Variants in PRKG1 observed in about 807,000 individuals in gnomAD.
PRKG1 encodes cGMP-dependent protein kinase 1.
A neutral mutation model predicts 88.1 loss-of-function variants in PRKG1; 35 were observed. The observed-to-expected ratio is 0.40, with a 90% confidence interval of 0.30 to 0.53. PRKG1 has a LOEUF of 0.53. Among genes scored for constraint, PRKG1 ranks in the 20% least tolerant of loss-of-function variants. The pLI is 0.59. For synonymous variants in PRKG1, 303 were observed against 292.5 expected (o/e 1.04, Z -0.37); for missense variants, 540 against 839.8 (o/e 0.64, Z 4.41).
chr10:51,812,547 T>C (rs758661417), intron 4 of PRKG1, among the ~76,000 whole-genome samples: 6 of 152,140 alleles, frequency 3.9e-5, no homozygotes, highest in Non-Finnish European at 7.4e-5. Context: ...AAAGCTGCAG[T>C]GGATCAGACT....
At chr10:51,857,499 C>G (rs950603205) in intron 4 of PRKG1, among the ~76,000 whole-genome samples, 3 of 152,120 alleles carry the variant, frequency 2.0e-5, no homozygotes, top group African/African-American at 7.2e-5. Flanking sequence ...AGTAGACCAT[C>G]CACCAGGAAG....
intron 2 of PRKG1, among the ~76,000 whole-genome samples, chr10:51,262,309 A>T (rs1839733104): frequency 6.6e-6 from 1 of 152,210 alleles, no homozygotes; most frequent in Non-Finnish European, 1.5e-5. Context: ...AGACTGATAA[A>T]ACATATCTGT....
At chr10:51,575,602 G>A (rs1837866575) in intron 3 of PRKG1, among the ~76,000 whole-genome samples, 1 of 151,570 alleles carries the variant, frequency 6.6e-6, no homozygotes, top group African/African-American at 2.4e-5. Context: ...CTTGCTACCA[G>A]GAAAACAATG....
At chr10:51,118,342 C>G (rs1273511133) in intron 1 of PRKG1, among the ~76,000 whole-genome samples, 2 of 152,078 alleles carry the variant, frequency 1.3e-5, no homozygotes, top group Non-Finnish European at 2.9e-5. Flanking sequence ...ATCCTCAGAT[C>G]AATATAGTGC....
chr10:51,259,687 G>A (rs1052149759), intron 2 of PRKG1, among the ~76,000 whole-genome samples: 6 of 152,114 alleles, frequency 3.9e-5, no homozygotes, highest in African/African-American at 1.4e-4. Context: ...TGTTGGCCAG[G>A]CTGGTCTCGA....
chr10:52,053,136 G>T (rs1846030109), intron 5 of PRKG1, among the ~76,000 whole-genome samples: 1 of 152,066 alleles, frequency 6.6e-6, no homozygotes, highest in African/African-American at 2.4e-5. Flanking sequence ...TGGGTTGGTG[G>T]TTGTTAAAAG....
chr10:52,214,058 G>A (rs1840051676), intron 9 of PRKG1, among the ~76,000 whole-genome samples: 3 of 152,112 alleles, frequency 2.0e-5, no homozygotes, highest in Admixed American at 2.0e-4. Flanking sequence ...TGGCAAATGG[G>A]AGAGTCCTCA....
At chr10:51,334,617 T>C (rs978809869) in intron 2 of PRKG1, among the ~76,000 whole-genome samples, 1 of 152,166 alleles carries the variant, frequency 6.6e-6, no homozygotes, top group African/African-American at 2.4e-5. Flanking sequence ...ATACTTTTGC[T>C]TACCCCAACT....
rs1846022348 is a variant in PRKG1 at position 51,149,800 on chromosome 10, GA to G, written c.312-3361del. The stretch of plus-strand genomic sequence containing the variant: ...ACAGGTTGATTTTGCATGAAAGCTT[GA>G]AATTGGCCATGGTGGGAGTATTTAC... On this transcript the variant is annotated intron_variant, in intron 1 of 17. Transcript: ENST00000373980. Among the ~76,000 whole-genome samples, 3 of 152,162 alleles carry G rather than the reference GA, an allele frequency of 2.0e-5. No homozygotes were observed. In the South Asian group the frequency reaches 6.2e-4, roughly 32 times the overall value.
At chr10:51,631,268 G>A (rs945167799) in intron 3 of PRKG1, among the ~76,000 whole-genome samples, 5 of 152,100 alleles carry the variant, frequency 3.3e-5, no homozygotes, top group Non-Finnish European at 5.9e-5. Flanking sequence ...TTGTGCTAGG[G>A]TTAGCTTGTG....
At chr10:52,052,574 G>A (rs983975422) in intron 5 of PRKG1, among the ~76,000 whole-genome samples, 4 of 151,904 alleles carry the variant, frequency 2.6e-5, no homozygotes, top group African/African-American at 7.3e-5. Context: ...AGGTTTAATG[G>A]ACTCAACATT....
intron 7 of PRKG1, among the ~76,000 whole-genome samples, chr10:52,104,772 T>C (rs1404534837): frequency 6.6e-6 from 1 of 152,186 alleles, no homozygotes; most frequent in Non-Finnish European, 1.5e-5. Flanking sequence ...CTCTATTAAT[T>C]TATGCTACCC....
chr10:51,294,571 A>T (rs1202226347), intron 2 of PRKG1, among the ~76,000 whole-genome samples: 11 of 152,176 alleles, frequency 7.2e-5, no homozygotes, highest in Non-Finnish European at 1.6e-4. Flanking sequence ...TGGTTTTGCC[A>T]TTACTTTTAA....
At chr10:51,829,143 G>T (rs10823671) in intron 4 of PRKG1, among the ~76,000 whole-genome samples, 31,882 of 152,112 alleles carry the variant, frequency 0.21, 5,364 homozygotes, top group African/African-American at 0.47. Context: ...GTCTGTTTCT[G>T]GCCGTGTGAA....
chr10:52,224,831 A>ATATATATATATATC (rs1840348655), intron 9 of PRKG1, among the ~76,000 whole-genome samples: 1 of 141,384 alleles, frequency 7.1e-6, no homozygotes, highest in Non-Finnish European at 1.5e-5. Flanking sequence ...ATATATATAT[A>ATATATATATATATC]TATATATACA....
chr10:52,251,881 T>A lies in PRKG1; in HGVS notation c.1173+215T>A, dbSNP rs77530078. On this transcript the variant is annotated intron_variant, in intron 10 of 17. Coordinates refer to ENST00000373980, the MANE Select transcript of PRKG1 (RefSeq NM_006258.4). The stretch of plus-strand genomic sequence containing the variant: ...CAACGACTAAAAATAAAATAACACC[T>A]TGCTTTTTAGAAAACCTCTTCATAT... 0.049 allele frequency: 22,047 copies of A among 449,514 alleles called. 2,545 individuals carry two copies. Among genetic ancestry groups the A allele is most frequent in the East Asian group, 0.38 (10,489 of 27,902 alleles). The allele number at this position is 449,514 out of a possible 1,614,324, so 27.8% of individuals were successfully genotyped here. A position where few individuals can be genotyped will look rare whatever the true frequency, so the allele number is the denominator to read the frequency against.
At chr10:51,448,125 G>C (rs1839327578) in intron 2 of PRKG1, among the ~76,000 whole-genome samples, 2 of 151,926 alleles carry the variant, frequency 1.3e-5, no homozygotes, top group African/African-American at 4.8e-5. Flanking sequence ...GTGCTTGCCT[G>C]TAATCCTAGC....
rs527540129 is a variant in PRKG1, at chr10:52,290,452, G to A, written c.1962+162G>A. ...ATGACATATTCTAAAATCCAAACTT[G>A]AAAGCAGATAAATTTGGGGATAGTC... On this transcript the variant is annotated intron_variant, in intron 17 of 17. Transcript: ENST00000373980. Among the ~76,000 whole-genome samples, 4 of 152,248 alleles carry A rather than the reference G, an allele frequency of 2.6e-5. No individual in the cohort carries two copies. The South Asian group carries it at 8.3e-4, about 32-fold the overall frequency.
At chr10:51,783,647 A>G (rs1398449345) in intron 3 of PRKG1, among the ~76,000 whole-genome samples, 1 of 152,070 alleles carries the variant, frequency 6.6e-6, no homozygotes, top group Non-Finnish European at 1.5e-5. Context: ...TGGGAATTTA[A>G]GTGTGTACGT....
Sources: allele counts gnomAD v4.1 joint callset (sites outside exome capture counted in the v4.1 genomes callset), GRCh38; gene constraint gnomAD v4.1.1; transcripts MANE v1.5; gene names NCBI Gene and HGNC (gene_info 2026-07-23, HGNC 2026-07-21).